TMPRSS13: variants seen among roughly 807,000 people sequenced by gnomAD.
The protein encoded by TMPRSS13 is transmembrane serine protease 13.
In TMPRSS13, 50 loss-of-function variants were observed where a neutral mutation model predicts 68.4. The ratio of observed to expected loss-of-function variants is 0.73; its 90% CI spans 0.58 to 0.93. The LOEUF is 0.93. TMPRSS13 is among the 40% of genes least tolerant of loss of function. The pLI is 0.00. For missense variants in TMPRSS13, 615 were observed against 729.2 expected (o/e 0.84, Z 1.80); for synonymous variants, 267 against 285.8 (o/e 0.93, Z 0.66).
chr11:117,912,785 T>C (rs1792469562), intron 5 of TMPRSS13, among the ~76,000 whole-genome samples: 1 of 152,216 alleles, frequency 6.6e-6, no homozygotes, highest in African/African-American at 2.4e-5. Flanking sequence ...CTAGAGGTCC[T>C]TCAAGGCTGG....
chr11:117,928,951 T>C (rs1311548871), intron 1 of TMPRSS13, among the ~76,000 whole-genome samples: 1 of 152,090 alleles, frequency 6.6e-6, no homozygotes, highest in Non-Finnish European at 1.5e-5. Context: ...TAGCCTGGAT[T>C]CCCAATCGGC....
At position 117,910,769 on chromosome 11, in the gene TMPRSS13, A is replaced by C. The variant is rs775937651; in HGVS notation, c.903-19T>G. ...TTCAGACCTGCAGGGGGAGACACAG[A>C]AAGTGGGAAAAGGGCACATTAGCTA... On this transcript the variant is annotated intron_variant, in intron 6 of 12. Coordinates refer to ENST00000524993, the MANE Select transcript of TMPRSS13 (RefSeq NM_001077263.3). 4 of 1,601,840 alleles carry C rather than the reference A, an allele frequency of 2.5e-6. No individual in the cohort carries two copies. The highest frequency in any genetic ancestry group is 3.4e-6 in the Non-Finnish European group (4 of 1,173,102).
chr11:117,923,521 A>G (rs1309295322), intron 1 of TMPRSS13, among the ~76,000 whole-genome samples: 2 of 152,000 alleles, frequency 1.3e-5, no homozygotes, highest in Non-Finnish European at 2.9e-5. Context: ...GCATAATGAG[A>G]GTTCTTCAGC....
intron 5 of TMPRSS13, 56 bp downstream of exon 5, chr11:117,913,721 A>G (rs1467778025): frequency 5.0e-6 from 8 of 1,597,208 alleles, no homozygotes; most frequent in Non-Finnish European, 6.8e-6. Context: ...GAGACACCCT[A>G]TGAAGAGCCT....
At chr11:117,919,090 T>C (rs1433085107) in intron 1 of TMPRSS13, among the ~76,000 whole-genome samples, 4 of 152,128 alleles carry the variant, frequency 2.6e-5, no homozygotes, top group African/African-American at 9.7e-5. Context: ...TAGAGGGCAA[T>C]GGGCCAAGTG....
rs1222968271 is a variant in TMPRSS13 at position 117,905,725 on chromosome 11, G to A, written c.1294C>T (p.Pro432Ser). 3 of 1,599,490 alleles carry A rather than the reference G, an allele frequency of 1.9e-6. No homozygotes were observed. Among genetic ancestry groups the A allele is most frequent in the South Asian group, 1.1e-5 (1 of 88,754 alleles). Reference protein sequence around the residue: ...KPLTLSAHIHPACLPMHGQTF... With the variant: ...KPLTLSAHIHSACLPMHGQTF... ...TGTCCATGCATGGGGAGGCAAGCAG[G>A]GTGGATGTGAGCTGCAACAAGACCT... The change falls in exon 10 of 13, where the codon CCT becomes TCT. Residue 432 changes from proline (P) to serine (S), a missense_variant. Coordinates refer to ENST00000524993, the MANE Select transcript of TMPRSS13 (RefSeq NM_001077263.3).
Position 117,929,309 on chromosome 11 carries a change from G to A in TMPRSS13, c.-2C>T. ...CACCCCGTGGCTGTCCCTCTCCATG[G>A]TCTCTGAGGGGAAGAGTCCTCCAGG... On this transcript the variant is annotated 5_prime_UTR_variant, in exon 1 of 13. Coordinates refer to ENST00000524993, the MANE Select transcript of TMPRSS13 (RefSeq NM_001077263.3). 1 of 1,605,412 alleles carries A rather than the reference G, an allele frequency of 6.2e-7. No homozygotes were observed. Among genetic ancestry groups the A allele is most frequent in the Non-Finnish European group, 8.5e-7 (1 of 1,176,284 alleles).
chr11:117,903,608 G>A (rs760471305), intron 12 of TMPRSS13, 47 bp downstream of exon 12: 6 of 1,613,026 alleles, frequency 3.7e-6, no homozygotes, highest in African/African-American at 1.3e-5. Context: ...CCCACCTGAG[G>A]AAGTTCCCAG....
chr11:117,905,572 C>T, intron 10 of TMPRSS13, 66 bp downstream of exon 10: 2 of 1,352,682 alleles, frequency 1.5e-6, no homozygotes, highest in Non-Finnish European at 2.1e-6. Flanking sequence ...ATTGCTTACA[C>T]ACGCACATGT....
At chr11:117,911,195 G>A (rs2057519655) in intron 6 of TMPRSS13, among the ~76,000 whole-genome samples, 1 of 152,252 alleles carries the variant, frequency 6.6e-6, no homozygotes, top group African/African-American at 2.4e-5. Flanking sequence ...TTCTCTTGGA[G>A]CCTGGCTTCT....
At chr11:117,904,202 G>A in intron 10 of TMPRSS13, 101 bp from the exon 11 acceptor site, 1 of 1,454,774 alleles carries the variant, frequency 6.9e-7, no homozygotes, top group Non-Finnish European at 9.2e-7. Context: ...CAGAATCACA[G>A]CCTCCTGGGA....
In TMPRSS13 at chr11:117,913,568, T is replaced by C. The variant is rs115877890; in HGVS notation, c.809+209A>G. On this transcript the variant is annotated intron_variant, in intron 5 of 12. Coordinates refer to ENST00000524993, the MANE Select transcript of TMPRSS13 (RefSeq NM_001077263.3). ...ACTATTGCAGATCTATACATCATTATGTTGGCCTCATGAAAACAATCTGCT... is the reference window on the plus strand; with the variant it reads ...ACTATTGCAGATCTATACATCATTACGTTGGCCTCATGAAAACAATCTGCT... 5.7e-3 allele frequency among the ~76,000 whole-genome samples: 862 copies of C among 152,154 alleles called. 6 individuals are homozygous for C. Among genetic ancestry groups the C allele is most frequent in the African/African-American group, 0.02 (813 of 41,560 alleles).
Position 117,909,952 on chromosome 11 carries a change from G to A in TMPRSS13, c.963C>T (p.Ala321=). The change falls in exon 8 of 13, where the codon GCC becomes GCT. Residue 321 remains alanine (A), a synonymous_variant. Transcript: ENST00000524993. The part of the protein sequence containing the change: ...SLQCSHCGLR[A]MTGRIVGGAL... ...CCCCTCCCACGATCCGCCCGGTCAT[G>A]GCCCTCAGTCCGCAGTCTGGAGGGA... 2 of 1,614,146 alleles carry A rather than the reference G, an allele frequency of 1.2e-6. No individual in the cohort carries two copies. Among genetic ancestry groups the A allele is most frequent in the Non-Finnish European group, 1.7e-6 (2 of 1,179,994 alleles).
In TMPRSS13 at chr11:117,901,096, T is replaced by A. The variant is rs533310928; in HGVS notation, c.*1143A>T. 6.6e-6 allele frequency: 1 copy of A among 152,322 alleles called. No individual in the cohort carries two copies. The highest frequency in any genetic ancestry group is 2.1e-4 in the South Asian group (1 of 4,820). The allele number at this position is 152,322 out of a possible 1,614,324, so 9.4% of individuals were successfully genotyped here. On this transcript the variant is annotated 3_prime_UTR_variant, in exon 13 of 13. Transcript: ENST00000524993. ...TCTCTCCATAGCAGTTTTTATGTCA[T>A]TGCTATGTTTCTGAAACAACTGAGA...
rs751395333 is a variant in TMPRSS13 at position 117,918,462 on chromosome 11, C to T, written c.398G>A (p.Arg133Gln). 52 of 1,614,078 alleles carry T rather than the reference C, an allele frequency of 3.2e-5. 1 individual carries two copies. The East Asian group carries it at 4.7e-4, about 15-fold the overall frequency. The change falls in exon 2 of 13, where the codon CGA becomes CAA. Residue 133 changes from arginine (R) to glutamine (Q), a missense_variant. Coordinates refer to ENST00000524993, the MANE Select transcript of TMPRSS13 (RefSeq NM_001077263.3). ...RATPVGAVPI[R>Q]SSPARSAPAT... is the part of the protein sequence containing the mutation. ...TGGTGCTGACCTGGCAGGAGATGAT[C>T]GGATGGGTACAGCCCCCACTGGTGT...
chr11:117,908,653 T>G lies in TMPRSS13; in HGVS notation c.1241A>C (p.Asp414Ala). The G allele has an allele frequency of 6.3e-7, 1 of 1,580,904 alleles. No homozygotes were observed. Among genetic ancestry groups the G allele is most frequent in the African/African-American group, 1.3e-5 (1 of 74,670 alleles). Residue 414 changes from aspartate to alanine, a missense_variant, in exon 9 of 13, where the codon GAC becomes GCC. Asp to Ala is a moderately radical substitution (Grantham distance 126, BLOSUM62 -2). Transcript: ENST00000524993. ...CTTGGACAGCCGCATGAGGGCGATG[T>G]CATAGTCGTCCTCCTCATCGGTGTA... ...SNYTDEEDDYDIALMRLSKPL... is the reference protein window; with the variant it reads ...SNYTDEEDDYAIALMRLSKPL...
rs369879944 is a variant in TMPRSS13 at position 117,911,773 on chromosome 11, G to A, written c.897C>T (p.Leu299=). The A allele has an allele frequency of 1.4e-5, 23 of 1,613,814 alleles. 1 individual carries two copies. The African/African-American group carries it at 2.7e-4, about 19-fold the overall frequency. ...GCCTGCCTGCCCCACCATACCTGTG[G>A]AGGCTTTCCTGGATGGTGGAGTTGT... ...LRYNSTIQES[L]HRSECPSQRY... Residue 299 remains leucine (L), a synonymous_variant, in exon 6 of 13, where the codon CTC becomes CTT. Coordinates refer to ENST00000524993, the MANE Select transcript of TMPRSS13 (RefSeq NM_001077263.3).
Position 117,908,113 on chromosome 11 carries a change from G to A in TMPRSS13, c.1282+499C>T, listed in dbSNP as rs770158709. The A allele has an allele frequency of 2.1e-3, 2,203 of 1,044,998 alleles. 4 individuals are homozygous for A. Among genetic ancestry groups the A allele is most frequent in the Non-Finnish European group, 2.4e-3 (2,065 of 861,204 alleles). 64.7% of individuals were successfully genotyped at this position (1,044,998 alleles called of 1,614,324 possible). ...GCCAGGTGGGGAGAGCACTGCTTGG[G>A]AATCAGATCGACCTGGTTCCAATCC... is the stretch of plus-strand genomic sequence containing the variant. On this transcript the variant is annotated intron_variant, in intron 9 of 12. Transcript: ENST00000524993.
At chr11:117,902,775 T>A (rs1375773472) in intron 12 of TMPRSS13, among the ~76,000 whole-genome samples, 1 of 152,234 alleles carries the variant, frequency 6.6e-6, no homozygotes, top group Non-Finnish European at 1.5e-5. Flanking sequence ...TATTCATTCA[T>A]CCTTAATTTA....
Sources: allele counts gnomAD v4.1 joint callset (sites outside exome capture counted in the v4.1 genomes callset), GRCh38; gene constraint gnomAD v4.1.1; transcripts MANE v1.5; gene names NCBI Gene and HGNC (gene_info 2026-07-23, HGNC 2026-07-21).